Variants in COL24A1 observed in about 807,000 individuals in gnomAD.
The protein encoded by COL24A1 is collagen type XXIV alpha 1 chain, also known as collagen alpha-1(XXIV) chain.
COL24A1 carries 224 observed loss-of-function variants against 253.9 expected under a neutral mutation model. The observed-to-expected ratio is 0.88, with a 90% CI of 0.79 to 0.99. The LOEUF (loss-of-function observed/expected upper bound fraction) is 0.99, where lower values mean the gene tolerates loss of function less well. COL24A1 is among the 50% of genes least tolerant of loss of function. The pLI is 0.00. For missense variants in COL24A1, 2,131 were observed against 2,068.5 expected (o/e 1.03, Z -0.59); for synonymous variants, 685 against 673.7 (o/e 1.02, Z -0.26).
At chr1:86,006,664 T>A (rs1002504482) in intron 19 of COL24A1, among the ~76,000 whole-genome samples, 1 of 152,072 alleles carries the variant, frequency 6.6e-6, no homozygotes, top group African/African-American at 2.4e-5. Flanking sequence ...TTAAAACTTC[T>A]GCCCTGCAGA....
At chr1:85,810,936 G>GCTCC (rs887172799) in intron 47 of COL24A1, among the ~76,000 whole-genome samples, 2 of 152,130 alleles carry the variant, frequency 1.3e-5, no homozygotes, top group African/African-American at 4.8e-5. Context: ...TACTCTGTCA[G>GCTCC]CTCCCTCCTG....
At chr1:85,979,678 A>G (rs1351657814) in intron 20 of COL24A1, among the ~76,000 whole-genome samples, 3 of 142,198 alleles carry the variant, frequency 2.1e-5, no homozygotes, top group Non-Finnish European at 4.5e-5. Context: ...ACAGAAAGAT[A>G]GAAATGATCA....
At chr1:85,898,513 T>C (rs1683980926) in intron 28 of COL24A1, among the ~76,000 whole-genome samples, 1 of 152,204 alleles carries the variant, frequency 6.6e-6, no homozygotes, top group South Asian at 2.1e-4. Context: ...TATTCCCAAC[T>C]TTCTTTCTGC....
At chr1:85,812,870 C>T (rs1036814440) in intron 47 of COL24A1, among the ~76,000 whole-genome samples, 10 of 152,140 alleles carry the variant, frequency 6.6e-5, no homozygotes, top group African/African-American at 1.2e-4. Flanking sequence ...GGCTACCACC[C>T]CTGGTGACTG....
chr1:86,124,638 A>G (rs1007580800), intron 3 of COL24A1, among the ~76,000 whole-genome samples: 1 of 152,026 alleles, frequency 6.6e-6, no homozygotes, highest in Non-Finnish European at 1.5e-5. Flanking sequence ...GATGAAGAAC[A>G]AAAGCACGAT....
intron 24 of COL24A1, among the ~76,000 whole-genome samples, chr1:85,919,210 C>A (rs1267767544): frequency 6.6e-6 from 1 of 152,194 alleles, no homozygotes; most frequent in Admixed American, 6.5e-5. Flanking sequence ...TTATTGTAAA[C>A]CACTAATATA....
Position 86,020,614 on chromosome 1 carries a change from CA to C in COL24A1, c.2256+1625del, listed in dbSNP as rs900791681. ...TTCTCAAAAAATTAATTGTAAAGCA[CA>C]AAAAAATACTTATATTATTTATTAG... is the stretch of plus-strand genomic sequence containing the variant. On this transcript the variant is annotated intron_variant, in intron 18 of 59. Transcript: ENST00000370571. Among the ~76,000 whole-genome samples, 7 of 151,954 alleles carry C rather than the reference CA, an allele frequency of 4.6e-5. No individual in the cohort carries two copies. In the East Asian group the frequency reaches 5.8e-4, roughly 13 times the overall value.
chr1:85,945,019 T>TTG (rs1553237049), intron 24 of COL24A1, among the ~76,000 whole-genome samples: 12 of 73,362 alleles, frequency 1.6e-4, no homozygotes, highest in East Asian at 6.0e-4. Flanking sequence ...TTTTTTTTTT[T>TTG]TTTTTTTTTT....
chr1:85,904,109 A>G (rs970721257), intron 28 of COL24A1, among the ~76,000 whole-genome samples: 1 of 152,300 alleles, frequency 6.6e-6, no homozygotes. Context: ...TACTTCCTCC[A>G]TAGAAAACCT....
At position 86,097,227 on chromosome 1, in the gene COL24A1, T is replaced by C. The variant is rs532917665; in HGVS notation, c.1600-4907A>G. 4.6e-5 allele frequency among the ~76,000 whole-genome samples: 7 copies of C among 152,290 alleles called. No individual in the cohort carries two copies. In the East Asian group the frequency reaches 1.4e-3, roughly 29 times the overall value. ...TTTAGAGTGAAACTCCTAAGTTGTT[T>C]CTGTTAGCTAGGAGACCTCCTCTCC... On this transcript the variant is annotated intron_variant, in intron 5 of 59. Transcript: ENST00000370571.
At chr1:86,011,503 T>C (rs1243542630) in intron 19 of COL24A1, among the ~76,000 whole-genome samples, 1 of 152,200 alleles carries the variant, frequency 6.6e-6, no homozygotes, top group Non-Finnish European at 1.5e-5. Flanking sequence ...CTCAGGCTCC[T>C]TCATATGCTC....
intron 32 of COL24A1, 71 bp downstream of exon 32, chr1:85,889,489 A>G (rs544847898): frequency 3.9e-6 from 5 of 1,289,474 alleles, no homozygotes; most frequent in Non-Finnish European, 5.6e-6. Context: ...ACAGCACAGC[A>G]GAGCAATAAT....
intron 7 of COL24A1, among the ~76,000 whole-genome samples, chr1:86,086,095 T>C (rs372637898): frequency 2.4e-4 from 37 of 152,308 alleles, no homozygotes; most frequent in African/African-American, 8.7e-4. Context: ...GTTTGGTTTA[T>C]ATTAGACAAA....
At position 85,875,308 on chromosome 1, in the gene COL24A1, T is replaced by A; in HGVS notation, c.3053A>T (p.Glu1018Val). The A allele has an allele frequency of 6.2e-7, 1 of 1,613,724 alleles. No individual in the cohort carries two copies. Among genetic ancestry groups the A allele is most frequent in the African/African-American group, 1.3e-5 (1 of 75,000 alleles). The change falls in exon 34 of 60, where the codon GAG becomes GTG. Residue 1018 changes from glutamate (E) to valine (V), a missense_variant. Physicochemically the swap from Glu to Val is moderately radical, Grantham distance 121 (BLOSUM62 -2). Transcript: ENST00000370571. The stretch of plus-strand genomic sequence containing the variant: ...ACCTGGTTCACCTTGCAGACCAGAC[T>A]CTCCCTCAGTGCCTGGAGGTCCCTA... ...GMEGPPGTEG[E>V]SGLQGEPGAK...
intron 3 of COL24A1, among the ~76,000 whole-genome samples, chr1:86,121,106 A>G (rs1383752297): frequency 6.6e-6 from 1 of 152,176 alleles, no homozygotes; most frequent in Non-Finnish European, 1.5e-5. Context: ...ACACTTGGAC[A>G]CAGGGTGGGG....
At chr1:86,020,042 CT>C (rs1397406700) in intron 18 of COL24A1, among the ~76,000 whole-genome samples, 1 of 142,588 alleles carries the variant, frequency 7.0e-6, no homozygotes, top group Non-Finnish European at 1.5e-5. Flanking sequence ...ATGGCCTAAA[CT>C]TTCTTTTTTC....
intron 24 of COL24A1, among the ~76,000 whole-genome samples, chr1:85,927,354 G>A (rs1687410942): frequency 2.0e-5 from 3 of 151,798 alleles, no homozygotes; most frequent in South Asian, 2.1e-4. Context: ...ACTCCCACCC[G>A]AATATTGCGC....
At chr1:85,885,993 T>C (rs7556366) in intron 32 of COL24A1, among the ~76,000 whole-genome samples, 38,380 of 152,040 alleles carry the variant, frequency 0.25, 5,194 homozygotes, top group Admixed American at 0.35. Context: ...AACTTTCACA[T>C]TATGATTTTT....
intron 5 of COL24A1, among the ~76,000 whole-genome samples, chr1:86,108,756 G>A (rs1358750218): frequency 2.7e-5 from 4 of 150,858 alleles, no homozygotes; most frequent in South Asian, 4.2e-4. Context: ...GCAGTGAGCC[G>A]AGATCGCACC....
Sources: gnomAD v4.1 joint callset for allele counts (sites outside exome capture counted in the v4.1 genomes callset) on GRCh38, gnomAD v4.1.1 for gene constraint, MANE v1.5 for transcripts, NCBI Gene and HGNC (gene_info 2026-07-23, HGNC 2026-07-21) for gene names.